ABR: variants seen among roughly 807,000 people sequenced by gnomAD.
ABR encodes the protein ABR activator of RhoGEF and GTPase, also known as active breakpoint cluster region-related protein.
Under a neutral mutation model 107.2 loss-of-function variants are expected in ABR, and 35 were observed. That is an observed-to-expected ratio of 0.33 (90% CI 0.25 to 0.43). ABR has a LOEUF of 0.43. Among genes scored for constraint, ABR ranks in the 20% least tolerant of loss-of-function variants. ABR has a pLI of 1.00. For synonymous variants in ABR, 498 were observed against 462.0 expected (o/e 1.08, Z -1.00); for missense variants, 815 against 1,115.2 (o/e 0.73, Z 3.83).
At position 1,055,824 on chromosome 17, in the gene ABR, G is replaced by GC; in HGVS notation, c.1561+210dup. ...TTACAGGGGTGAGCCACCGCGCCCG[G>GC]CCCCTAGGTTTCAGACAGCTTCAGG... is the stretch of plus-strand genomic sequence containing the variant. On this transcript the variant is annotated intron_variant, in intron 14 of 22. Transcript: ENST00000302538. 6 of 540,462 alleles carry GC rather than the reference G, an allele frequency of 1.1e-5. No individual in the cohort carries two copies. The South Asian group carries it at 1.6e-4, about 14-fold the overall frequency. The allele number at this position is 540,462 out of a possible 1,614,324, so 33.5% of individuals were successfully genotyped here. A position where few individuals can be genotyped will look rare whatever the true frequency, so the allele number is the denominator to read the frequency against.
At chr17:1,101,589 T>C (rs1427202391) in intron 2 of ABR, among the ~76,000 whole-genome samples, 1 of 152,200 alleles carries the variant, frequency 6.6e-6, no homozygotes, top group Non-Finnish European at 1.5e-5. Context: ...TACTTGGGGA[T>C]TCCACTGGGC....
intron 14 of ABR, among the ~76,000 whole-genome samples, chr17:1,052,379 C>G (rs1239555332): frequency 4.9e-5 from 5 of 101,634 alleles, no homozygotes; most frequent in Admixed American, 1.2e-4. Flanking sequence ...CCGGAAGGGG[C>G]TGGGGGAGGG....
intron 10 of ABR, among the ~76,000 whole-genome samples, chr17:1,060,650 A>G (rs2151092413): frequency 6.6e-6 from 1 of 152,244 alleles, no homozygotes; most frequent in East Asian, 1.9e-4. Context: ...AAAACCAGCC[A>G]GTATTATATT....
chr17:1,044,751 T>C (rs1227353437), intron 16 of ABR, among the ~76,000 whole-genome samples: 1 of 152,110 alleles, frequency 6.6e-6, no homozygotes, highest in Admixed American at 6.6e-5. Context: ...CCACCCCTGC[T>C]GAGGCTCCTG....
rs2151262452 is a variant in ABR at position 1,084,256 on chromosome 17, A to C, written c.532-629T>G. On this transcript the variant is annotated intron_variant, in intron 4 of 22. Coordinates refer to ENST00000302538, the MANE Select transcript of ABR (RefSeq NM_021962.5). The surrounding 1 kb of genome is among the most constrained non-coding windows in gnomAD (Gnocchi z 4.2). ...GCTGGGCATGGTGGCGCGTGCCTGTAATCCCAGGTACTCAGGAGAATGAGG... is the reference window on the plus strand; with the variant it reads ...GCTGGGCATGGTGGCGCGTGCCTGTCATCCCAGGTACTCAGGAGAATGAGG... Among the ~76,000 whole-genome samples, 1 of 152,356 alleles carries C rather than the reference A, an allele frequency of 6.6e-6. No homozygotes were observed.
chr17:1,208,995 T>C (rs2042852442), intron 1 of ABR, among the ~76,000 whole-genome samples: 1 of 152,178 alleles, frequency 6.6e-6, no homozygotes, highest in African/African-American at 2.4e-5. Flanking sequence ...AACACCTGTT[T>C]GCTAGCCTAG....
chr17:1,229,596 C>A (rs1431549875), exon 1 of ABR, among the ~76,000 whole-genome samples: 1 of 152,080 alleles, frequency 6.6e-6, no homozygotes, highest in Non-Finnish European at 1.5e-5. Context: ...GAACTCGGCC[C>A]GCCAGCGCCG....
chr17:1,034,591 G>A (rs1408339975), intron 16 of ABR, among the ~76,000 whole-genome samples: 1 of 152,130 alleles, frequency 6.6e-6, no homozygotes, highest in Non-Finnish European at 1.5e-5. Flanking sequence ...AGGGGTCAGC[G>A]TGGGGCCCTC....
At chr17:1,033,336 T>A (rs1370151298) in intron 16 of ABR, among the ~76,000 whole-genome samples, 1 of 152,148 alleles carries the variant, frequency 6.6e-6, no homozygotes, top group Non-Finnish European at 1.5e-5. Context: ...GGACCAGGCA[T>A]CATGGATTAA....
chr17:1,010,924 C>T lies in ABR; in HGVS notation c.2102-61G>A, dbSNP rs970416454. 67 of 1,599,716 alleles carry T rather than the reference C, an allele frequency of 4.2e-5. No individual in the cohort carries two copies. Among genetic ancestry groups the T allele is most frequent in the East Asian group, 1.6e-4 (7 of 44,814 alleles). On this transcript the variant is annotated intron_variant, in intron 19 of 22. Coordinates refer to ENST00000302538, the MANE Select transcript of ABR (RefSeq NM_021962.5). This position sits in a 1 kb window ranked among gnomAD's most constrained non-coding sequence, Gnocchi z 4.1. ...TGGGCCAGCAGCCCCGTTCCACCCC[C>T]GACCCATCCTGACACAGCCCCCACC...
At chr17:1,215,437 C>T (rs1311500777) in intron 1 of ABR, among the ~76,000 whole-genome samples, 1 of 152,214 alleles carries the variant, frequency 6.6e-6, no homozygotes, top group Non-Finnish European at 1.5e-5. Flanking sequence ...GACGGGGTTT[C>T]GCTGTGTTGG....
intron 16 of ABR, among the ~76,000 whole-genome samples, chr17:1,036,420 C>T (rs191673255): frequency 3.3e-4 from 50 of 149,614 alleles, no homozygotes; most frequent in African/African-American, 1.1e-3. Context: ...ATCAGGGCAC[C>T]GGCTGGGCAT....
At chr17:1,042,906 A>G (rs2030889747) in intron 16 of ABR, among the ~76,000 whole-genome samples, 1 of 152,220 alleles carries the variant, frequency 6.6e-6, no homozygotes, top group Admixed American at 6.5e-5. Flanking sequence ...AAATTCAGAC[A>G]CACAACGGCA....
Position 1,013,149 on chromosome 17 carries a change from C to A in ABR, c.1807G>T (p.Val603Leu). 1 of 1,614,172 alleles carries A rather than the reference C, an allele frequency of 6.2e-7. No individual in the cohort carries two copies. Among genetic ancestry groups the A allele is most frequent in the East Asian group, 2.2e-5 (1 of 44,886 alleles). Residue 603 changes from valine (V) to leucine (L), a missense_variant, in exon 17 of 23, where the codon GTG (valine) becomes TTG (leucine). By Grantham distance (32) the Val-to-Leu change is conservative. Coordinates refer to ENST00000302538, the MANE Select transcript of ABR (RefSeq NM_021962.5). ...KGQIQLDPQT[V>L]ETKNWHTDVI... is the part of the protein sequence containing the mutation. ...TCCGTGTGCCAGTTCTTGGTCTCCA[C>A]GGTTTGTGGGTCCAGCTGCAGAGAG... is the stretch of plus-strand genomic sequence containing the variant.
intron 16 of ABR, among the ~76,000 whole-genome samples, chr17:1,026,368 C>T (rs1392474766): frequency 6.6e-6 from 1 of 152,268 alleles, no homozygotes; most frequent in Non-Finnish European, 1.5e-5. Flanking sequence ...GGCATCCAGG[C>T]ATCGGATGGG....
intron 2 of ABR, among the ~76,000 whole-genome samples, chr17:1,111,634 C>T (rs1219894062): frequency 6.6e-6 from 1 of 152,232 alleles, no homozygotes; most frequent in African/African-American, 2.4e-5. Flanking sequence ...TTTCTCCAAG[C>T]CCTCAGCTGC....
rs2070488712 is a variant in ABR, at chr17:1,011,003, C to T, written c.2102-140G>A. ...GGAAGAGCAGGATGTAGAGAGGGCC[C>T]ACAGGTGTCTGTGACTCGGCTCTGT... On this transcript the variant is annotated intron_variant, in intron 19 of 22. Transcript: ENST00000302538. This position sits in a 1 kb window ranked among gnomAD's most constrained non-coding sequence, Gnocchi z 4.8. 2 of 1,140,844 alleles carry T rather than the reference C, an allele frequency of 1.8e-6. No individual in the cohort carries two copies. The highest frequency in any genetic ancestry group is 1.5e-5 in the African/African-American group (1 of 65,390). 70.7% of individuals were successfully genotyped at this position (1,140,844 alleles called of 1,614,324 possible). A position where few individuals can be genotyped will look rare whatever the true frequency, so the allele number is the denominator to read the frequency against.
At position 1,070,262 on chromosome 17, in the gene ABR, G is replaced by T. The variant is rs1411966145; in HGVS notation, c.895-172C>A. 3.3e-5 allele frequency among the ~76,000 whole-genome samples: 5 copies of T among 152,044 alleles called. No individual in the cohort carries two copies. Among genetic ancestry groups the T allele is most frequent in the African/African-American group, 1.2e-4 (5 of 41,400 alleles). ...TGCCTTTGGAGTCACATGGGCATGGGTTTGAATGCCAACAGGCTTCTCAGC... is the reference window on the plus strand; with the variant it reads ...TGCCTTTGGAGTCACATGGGCATGGTTTTGAATGCCAACAGGCTTCTCAGC... On this transcript the variant is annotated intron_variant, in intron 8 of 22. Transcript: ENST00000302538. The surrounding 1 kb of genome is among the most constrained non-coding windows in gnomAD (Gnocchi z 4.2).
chr17:1,196,507 A>C (rs1303395614), intron 1 of ABR, among the ~76,000 whole-genome samples: 4 of 152,022 alleles, frequency 2.6e-5, no homozygotes, highest in Non-Finnish European at 5.9e-5. Context: ...ATAGGACAAA[A>C]CTGGGTATTA....
Sources: allele counts gnomAD v4.1 joint callset (sites outside exome capture counted in the v4.1 genomes callset), GRCh38; gene constraint gnomAD v4.1.1; non-coding constraint Gnocchi (gnomAD v3.1); transcripts MANE v1.5; gene names NCBI Gene and HGNC (gene_info 2026-07-23, HGNC 2026-07-21).